Variants in LARS1 observed in about 807,000 individuals in gnomAD.
LARS1 encodes the protein leucyl-tRNA synthetase 1, also known as leucine--tRNA ligase, cytoplasmic.
A neutral mutation model predicts 162.8 loss-of-function variants in LARS1; 100 were observed. That is an observed-to-expected ratio of 0.61 (90% CI 0.52 to 0.73). The LOEUF is 0.73. Ranked by LOEUF, LARS1 falls within the 30% of genes least tolerant of loss-of-function variation. LARS1 has a pLI of 0.00. For missense variants in LARS1, 1,258 were observed against 1,408.9 expected, an observed-to-expected ratio of 0.89 and a Z score of 1.71; for synonymous variants, 457 against 462.8, an observed-to-expected ratio of 0.99 and a Z score of 0.16.
At chr5:146,180,122 TG>T (rs1333355120) in intron 1 of LARS1, among the ~76,000 whole-genome samples, 1 of 152,182 alleles carries the variant, frequency 6.6e-6, no homozygotes, top group Non-Finnish European at 1.5e-5. Flanking sequence ...GAGCAGGACA[TG>T]GGAACACTGA....
intron 13 of LARS1, 55 bp downstream of exon 13, chr5:146,153,119 C>G: frequency 7.3e-7 from 1 of 1,368,012 alleles, no homozygotes. Flanking sequence ...GTTAGCTCTT[C>G]TTTTTCTCTG....
Position 146,153,206 on chromosome 5 carries a change from T to C in LARS1, c.1252A>G (p.Ile418Val). The part of the protein sequence containing the change: ...KKQALRAKYG[I>V]RDDMVLPFEP... ...AATGGCAAGACCATGTCATCTCTAA[T>C]TCCATATTTTGCTCGTAAGGCCTAC... is the stretch of plus-strand genomic sequence containing the variant. Residue 418 changes from isoleucine to valine, a missense_variant, in exon 13 of 32, where the codon ATT (isoleucine) becomes GTT (valine). Coordinates refer to ENST00000394434, the MANE Select transcript of LARS1 (RefSeq NM_020117.11). The C allele has an allele frequency of 6.2e-7, 1 of 1,613,238 alleles. No individual in the cohort carries two copies. The highest frequency in any genetic ancestry group is 8.5e-7 in the Non-Finnish European group (1 of 1,179,506).
At chr5:146,163,269 G>A (rs1378642870) in intron 6 of LARS1, among the ~76,000 whole-genome samples, 1 of 152,214 alleles carries the variant, frequency 6.6e-6, no homozygotes. Context: ...TTTGGCTGAA[G>A]GAAATGTTGT....
chr5:146,159,587 A>T (rs1753687023), intron 7 of LARS1, 117 bp from the exon 8 acceptor site: 2 of 709,760 alleles, frequency 2.8e-6, no homozygotes. Flanking sequence ...TTCTGAGTAG[A>T]TATCTGTGTC....
chr5:146,114,543 G>C (rs1019166757), intron 31 of LARS1, among the ~76,000 whole-genome samples: 9 of 151,982 alleles, frequency 5.9e-5, no homozygotes, highest in African/African-American at 2.2e-4. Flanking sequence ...AGACTAGCCT[G>C]ACCAACATGG....
intron 1 of LARS1, among the ~76,000 whole-genome samples, chr5:146,178,449 A>C (rs1719775971): frequency 6.6e-6 from 1 of 151,976 alleles, no homozygotes; most frequent in Admixed American, 6.6e-5. Flanking sequence ...CCCCATCTCT[A>C]CTAAAAATAC....
Position 146,177,600 on chromosome 5 carries a change from C to A in LARS1, c.72G>T (p.Trp24Cys). 6.2e-7 allele frequency: 1 copy of A among 1,604,986 alleles called. No individual in the cohort carries two copies. Among genetic ancestry groups the A allele is most frequent in the Non-Finnish European group, 8.5e-7 (1 of 1,174,662 alleles). Residue 24 changes from tryptophan (W) to cysteine (C), a missense_variant, in exon 2 of 32, where the codon TGG becomes TGT. Physicochemically the swap from Trp to Cys is radical, Grantham distance 215. Transcript: ENST00000394434. ...KKIEKEIQQK[W>C]DTERVFEVNA... ...TGACCTCAAACACTCTCTCAGTATCCCATTTCTGTTGGATTTCTTTCTCAA... is the reference window on the plus strand; with the variant it reads ...TGACCTCAAACACTCTCTCAGTATCACATTTCTGTTGGATTTCTTTCTCAA...
At chr5:146,126,198 T>C (rs1329071995) in intron 28 of LARS1, among the ~76,000 whole-genome samples, 2 of 152,026 alleles carry the variant, frequency 1.3e-5, no homozygotes, top group South Asian at 2.1e-4. Context: ...ATGAAGGGAA[T>C]AGTTCAGTGC....
At position 146,129,051 on chromosome 5, in the gene LARS1, GA is replaced by G; in HGVS notation, c.2695del (p.Ser899HisfsTer7). 1 of 1,610,818 alleles carries G rather than the reference GA, an allele frequency of 6.2e-7. No homozygotes were observed. ...GPVNEVLIHS[S>X]QYLMEVTHDL... ...ATGTGTTACTTCCATAAGATACTGT[GA>G]GGAGTGTATTAAAACTTCATTAACA... On this transcript the variant is annotated frameshift_variant, in exon 26 of 32. Coordinates refer to ENST00000394434, the MANE Select transcript of LARS1 (RefSeq NM_020117.11). LOFTEE classifies it high-confidence loss of function.
intron 4 of LARS1, among the ~76,000 whole-genome samples, chr5:146,169,906 A>G (rs1460404768): frequency 6.6e-6 from 1 of 152,148 alleles, no homozygotes; most frequent in Non-Finnish European, 1.5e-5. Flanking sequence ...ACCTGGCAGG[A>G]TTAACTTAAT....
chr5:146,139,315 C>A (rs1158789679), intron 21 of LARS1, among the ~76,000 whole-genome samples: 3 of 148,634 alleles, frequency 2.0e-5, no homozygotes, highest in Admixed American at 6.7e-5. Context: ...TGCACTCCAG[C>A]CTGGGCGAAA....
chr5:146,137,661 C>A, intron 21 of LARS1: 1 of 184,644 alleles, frequency 5.4e-6, no homozygotes, highest in Non-Finnish European at 1.1e-5. Flanking sequence ...CAAAAAGCAC[C>A]GAGTCATTTT....
At chr5:146,170,760 C>T (rs1396804527) in intron 4 of LARS1, among the ~76,000 whole-genome samples, 3 of 151,140 alleles carry the variant, frequency 2.0e-5, no homozygotes, top group African/African-American at 4.9e-5. Flanking sequence ...TTTGGGAGGC[C>T]GAGGTGGGCA....
At chr5:146,143,768 G>A (rs2126482715) in intron 18 of LARS1, among the ~76,000 whole-genome samples, 1 of 152,212 alleles carries the variant, frequency 6.6e-6, no homozygotes, top group Admixed American at 6.5e-5. Flanking sequence ...GGAGGCCAAG[G>A]CAGGTGGATC....
chr5:146,114,564 T>C (rs1409218220), intron 31 of LARS1, among the ~76,000 whole-genome samples: 2 of 151,404 alleles, frequency 1.3e-5, no homozygotes, highest in Non-Finnish European at 2.9e-5. Context: ...CAAAACACCA[T>C]CTCTACTAAA....
intron 2 of LARS1, among the ~76,000 whole-genome samples, chr5:146,175,565 C>T (rs1174088465): frequency 7.0e-6 from 1 of 143,458 alleles, no homozygotes; most frequent in Non-Finnish European, 1.5e-5. Flanking sequence ...AAAGGCCGGG[C>T]GCAGTGGCTC....
intron 30 of LARS1, 58 bp downstream of exon 30, chr5:146,122,434 T>G: frequency 2.2e-6 from 2 of 925,294 alleles, no homozygotes. Flanking sequence ...GATGTAATGA[T>G]CTCTAGGTCT....
intron 1 of LARS1, chr5:146,179,623 G>C (rs1181075631): frequency 1.2e-5 from 5 of 408,082 alleles, no homozygotes; most frequent in Admixed American, 5.5e-5. Flanking sequence ...GAGAGAGAGA[G>C]GGTCTCCCTC....
At chr5:146,165,437 A>T (rs910740730) in intron 5 of LARS1, among the ~76,000 whole-genome samples, 1 of 151,724 alleles carries the variant, frequency 6.6e-6, no homozygotes, top group Non-Finnish European at 1.5e-5. Context: ...AGACTAAAAC[A>T]TGAGAATTGC....
Sources: allele counts gnomAD v4.1 joint callset (sites outside exome capture counted in the v4.1 genomes callset), GRCh38; gene constraint gnomAD v4.1.1; transcripts MANE v1.5; gene names NCBI Gene and HGNC (gene_info 2026-07-23, HGNC 2026-07-21).